PKNOX2: variants seen among roughly 807,000 people sequenced by gnomAD.
PKNOX2 encodes PBX/knotted 1 homeobox 2.
In PKNOX2, 14 loss-of-function variants were observed where a neutral mutation model predicts 53.1. That is an observed-to-expected ratio of 0.26 (90% CI 0.17 to 0.41). The LOEUF is 0.41. Ranked by LOEUF, PKNOX2 falls within the 10% of genes least tolerant of loss-of-function variation. PKNOX2 has a pLI of 1.00. For missense variants in PKNOX2, 496 were observed against 602.8 expected (o/e 0.82, Z 1.85); for synonymous variants, 257 against 242.8 (o/e 1.06, Z -0.54).
chr11:125,295,789 T>C (rs1361086739), intron 2 of PKNOX2, among the ~76,000 whole-genome samples: 1 of 152,106 alleles, frequency 6.6e-6, no homozygotes, highest in Non-Finnish European at 1.5e-5. Context: ...GCCTTTCTCG[T>C]CTGTATCGTT....
At chr11:125,230,424 A>G (rs1942107586) in intron 1 of PKNOX2, among the ~76,000 whole-genome samples, 1 of 152,150 alleles carries the variant, frequency 6.6e-6, no homozygotes, top group Non-Finnish European at 1.5e-5. Flanking sequence ...ACTCAGTGAG[A>G]TATGGTGGGA....
intron 3 of PKNOX2, among the ~76,000 whole-genome samples, chr11:125,342,281 G>T (rs555837941): frequency 6.6e-6 from 1 of 151,936 alleles, no homozygotes; most frequent in African/African-American, 2.4e-5. Flanking sequence ...TTTTAGCTCC[G>T]CTGGCTCCAG....
At chr11:125,361,602 T>G (rs943860077) in intron 4 of PKNOX2, among the ~76,000 whole-genome samples, 2 of 152,250 alleles carry the variant, frequency 1.3e-5, no homozygotes, top group African/African-American at 4.8e-5. Context: ...AGGGTACATG[T>G]GCACAATGTG....
chr11:125,419,597 A>G (rs1447398659), intron 10 of PKNOX2, among the ~76,000 whole-genome samples: 3 of 151,956 alleles, frequency 2.0e-5, no homozygotes, highest in East Asian at 3.8e-4. Context: ...TTTTAATGAA[A>G]TTCCACTATT....
chr11:125,376,741 A>G (rs1952866478), intron 5 of PKNOX2, among the ~76,000 whole-genome samples: 1 of 152,190 alleles, frequency 6.6e-6, no homozygotes, highest in African/African-American at 2.4e-5. Context: ...TGTGTGCCAT[A>G]TACTGTGCCT....
intron 4 of PKNOX2, 87 bp from the exon 5 acceptor site, chr11:125,367,759 A>G (rs1244036393): frequency 6.9e-7 from 1 of 1,441,708 alleles, no homozygotes; most frequent in African/African-American, 1.4e-5. Flanking sequence ...CGGGCACAGC[A>G]CAGGCCAAGG....
In PKNOX2 at chr11:125,282,494, C is replaced by A. The variant is rs185735687; in HGVS notation, c.-130+47379C>A. On this transcript the variant is annotated intron_variant, in intron 2 of 12. Transcript: ENST00000298282. ...GTAAAATCACAGATTGCTGGGCCCT[C>A]CCTCTGGGGTTTCTGATTCAATAGG... is the stretch of plus-strand genomic sequence containing the variant. 2.4e-4 allele frequency among the ~76,000 whole-genome samples: 36 copies of A among 152,162 alleles called. 1 individual carries two copies. The highest frequency in any genetic ancestry group is 5.9e-5 in the Non-Finnish European group (4 of 68,042).
At chr11:125,369,646 T>C (rs1952414957) in intron 5 of PKNOX2, among the ~76,000 whole-genome samples, 1 of 152,018 alleles carries the variant, frequency 6.6e-6, no homozygotes, top group African/African-American at 2.4e-5. Context: ...AAAGGTTGAG[T>C]AACAGACCCC....
Position 125,422,990 on chromosome 11 carries a change from G to A in PKNOX2, c.937-6022G>A, listed in dbSNP as rs539007500. Among the ~76,000 whole-genome samples the A allele has an allele frequency of 2.2e-4, 33 of 151,928 alleles. No individual in the cohort carries two copies. The highest frequency in any genetic ancestry group is 6.8e-4 in the African/African-American group (28 of 41,392). On this transcript the variant is annotated intron_variant, in intron 10 of 12. Coordinates refer to ENST00000298282, the MANE Select transcript of PKNOX2 (RefSeq NM_001382323.2). This position sits in a 1 kb window ranked among gnomAD's most constrained non-coding sequence, Gnocchi z 4.1. ...ACAAACACAGAGTACACTAAGCACCGTTCTAAATAGCTTTCGTATATTAAC... is the reference window on the plus strand; with the variant it reads ...ACAAACACAGAGTACACTAAGCACCATTCTAAATAGCTTTCGTATATTAAC...
At chr11:125,406,316 T>C (rs1955095567) in intron 7 of PKNOX2, among the ~76,000 whole-genome samples, 1 of 152,206 alleles carries the variant, frequency 6.6e-6, no homozygotes, top group Non-Finnish European at 1.5e-5. Context: ...GTTGTGGGGC[T>C]AGTCAGAGAC....
At chr11:125,310,086 A>T (rs1408376867) in intron 2 of PKNOX2, among the ~76,000 whole-genome samples, 1 of 152,224 alleles carries the variant, frequency 6.6e-6, no homozygotes, top group Non-Finnish European at 1.5e-5. Context: ...AATTTTCCTT[A>T]TGCCAGCCTA....
At position 125,390,589 on chromosome 11, in the gene PKNOX2, G is replaced by A. The variant is rs186939693; in HGVS notation, c.399+4867G>A. Among the ~76,000 whole-genome samples the A allele has an allele frequency of 6.6e-5, 10 of 152,344 alleles. No individual in the cohort carries two copies. In the East Asian group the frequency reaches 9.6e-4, roughly 15 times the overall value. On this transcript the variant is annotated intron_variant, in intron 6 of 12. Coordinates refer to ENST00000298282, the MANE Select transcript of PKNOX2 (RefSeq NM_001382323.2). ...CAAGACACCCAAGACCTAAAGCCCCGAGTGTCTTCTTTGCTGTTTAATTCT... is the reference window on the plus strand; with the variant it reads ...CAAGACACCCAAGACCTAAAGCCCCAAGTGTCTTCTTTGCTGTTTAATTCT...
chr11:125,372,524 C>T (rs1380416953), intron 5 of PKNOX2, among the ~76,000 whole-genome samples: 1 of 152,220 alleles, frequency 6.6e-6, no homozygotes, highest in East Asian at 1.9e-4. Flanking sequence ...TCAATGAACT[C>T]TTGGAACAGC....
At chr11:125,405,247 AAAAATTCCACCTATTTC>A (rs371574323) in intron 7 of PKNOX2, among the ~76,000 whole-genome samples, 3,060 of 152,350 alleles carry the variant, frequency 0.02, 106 homozygotes, top group African/African-American at 0.068. Flanking sequence ...CAAGTAAGAT[AAAAATTCCACCTATTTC>A]AAAACAGCTT....
At chr11:125,417,003 T>C (rs2135590647) in intron 10 of PKNOX2, among the ~76,000 whole-genome samples, 1 of 152,122 alleles carries the variant, frequency 6.6e-6, no homozygotes, top group African/African-American at 2.4e-5. Context: ...TTGGGATCGT[T>C]TCATACGTTA....
At chr11:125,396,178 T>G (rs1178784398) in intron 6 of PKNOX2, among the ~76,000 whole-genome samples, 1 of 152,158 alleles carries the variant, frequency 6.6e-6, no homozygotes, top group Non-Finnish European at 1.5e-5. Context: ...GGTCTCAAAC[T>G]CCTGACCTCA....
intron 2 of PKNOX2, among the ~76,000 whole-genome samples, chr11:125,259,934 T>C (rs1440647060): frequency 6.6e-6 from 1 of 151,822 alleles, no homozygotes; most frequent in Admixed American, 6.6e-5. Context: ...TGGAGTGCAG[T>C]GGCACAATCA....
chr11:125,405,344 G>A lies in PKNOX2; in HGVS notation c.589-4852G>A, dbSNP rs564781221. Among the ~76,000 whole-genome samples the A allele has an allele frequency of 3.0e-4, 45 of 152,312 alleles. No homozygotes were observed. In the South Asian group the frequency reaches 5.8e-3, roughly 20 times the overall value. On this transcript the variant is annotated intron_variant, in intron 7 of 12. Transcript: ENST00000298282. The stretch of plus-strand genomic sequence containing the variant: ...CTTTGTCCCATTCTGGTTTCTTCCA[G>A]GAATTCCTTCCTTGAGTGGAAATGA...
chr11:125,393,793 A>G (rs1954225087), intron 6 of PKNOX2, among the ~76,000 whole-genome samples: 1 of 152,034 alleles, frequency 6.6e-6, no homozygotes, highest in Non-Finnish European at 1.5e-5. Flanking sequence ...ATGTCTCAAA[A>G]GCTACTTGGC....
Sources: gnomAD v4.1 joint callset for allele counts (sites outside exome capture counted in the v4.1 genomes callset) on GRCh38, gnomAD v4.1.1 for gene constraint, Gnocchi (gnomAD v3.1) non-coding constraint, MANE v1.5 for transcripts, NCBI Gene and HGNC (gene_info 2026-07-23, HGNC 2026-07-21) for gene names.